Variants in PHEX observed in about 807,000 individuals in gnomAD.
The protein encoded by PHEX is phosphate-regulating neutral endopeptidase PHEX.
PHEX carries 16 observed loss-of-function variants against 68.0 expected under a neutral mutation model. The ratio of observed to expected loss-of-function variants is 0.24; its 90% CI spans 0.16 to 0.36. PHEX has a LOEUF of 0.36. PHEX is among the 10% of genes least tolerant of loss of function. PHEX has a pLI of 1.00. For synonymous variants in PHEX, 208 were observed against 205.1 expected, an observed-to-expected ratio of 1.01 and a Z score of -0.12; for missense variants, 480 against 575.5, an observed-to-expected ratio of 0.83 and a Z score of 1.70.
rs1344992750 is a variant in PHEX at position 22,209,960 on chromosome X, T to TA, written c.1646-2941dup. On this transcript the variant is annotated intron_variant, in intron 15 of 21. Coordinates refer to ENST00000379374, the MANE Select transcript of PHEX (RefSeq NM_000444.6). The stretch of plus-strand genomic sequence containing the variant: ...AATGGTAAAAAAAAAAAAAAATAAA[T>TA]AAATAAAAATAAAAAGGAAATAAAA... Among the ~76,000 whole-genome samples, 32 of 106,683 alleles carry TA rather than the reference T, an allele frequency of 3.0e-4. 1 individual carries two copies. In the South Asian group the frequency reaches 0.01, roughly 34 times the overall value. The allele number at this position is 106,683 out of a possible 115,157, so 92.6% of individuals were successfully genotyped here. A position where few individuals can be genotyped will look rare whatever the true frequency, so the allele number is the denominator to read the frequency against.
intron 3 of PHEX, among the ~76,000 whole-genome samples, chrX:22,072,365 C>G (rs1346698254): frequency 9.0e-6 from 1 of 111,313 alleles, no homozygotes; most frequent in Non-Finnish European, 1.9e-5. Flanking sequence ...GAGCCGAGAT[C>G]AAGCCACTGC....
chrX:22,220,184 C>A (rs1935226215), intron 17 of PHEX, among the ~76,000 whole-genome samples: 1 of 111,409 alleles, frequency 9.0e-6, no homozygotes, highest in Non-Finnish European at 1.9e-5. Context: ...GATTTACAGG[C>A]AGTCTCAGGA....
chrX:22,076,604 G>T, intron 4 of PHEX, 130 bp downstream of exon 4: 1 of 519,458 alleles, frequency 1.9e-6, no homozygotes, highest in Non-Finnish European at 3.4e-6. Context: ...AGGTGTTAAA[G>T]GAATGATTGT....
intron 7 of PHEX, among the ~76,000 whole-genome samples, chrX:22,095,438 G>T (rs1049298971): frequency 8.9e-6 from 1 of 112,339 alleles, no homozygotes; most frequent in African/African-American, 3.2e-5. Flanking sequence ...GGCAAGACTG[G>T]GAATTGTCAA....
intron 12 of PHEX, among the ~76,000 whole-genome samples, chrX:22,155,134 A>C (rs1288458570): frequency 8.9e-6 from 1 of 112,298 alleles, no homozygotes; most frequent in Non-Finnish European, 1.9e-5. Flanking sequence ...CTAGTTTCAA[A>C]CTTCTGACCG....
chrX:22,169,885 T>C (rs1448589604), intron 13 of PHEX: 1 of 112,548 alleles, frequency 8.9e-6, no homozygotes, highest in Non-Finnish European at 1.9e-5. Context: ...GTCTTAGTAT[T>C]GTTGGGAAGA....
intron 12 of PHEX, among the ~76,000 whole-genome samples, chrX:22,167,766 A>G (rs1933383739): frequency 9.0e-6 from 1 of 111,228 alleles, no homozygotes; most frequent in South Asian, 3.8e-4. Flanking sequence ...AAGCTCTGGG[A>G]TTACAGGCAT....
chrX:22,143,184 T>C (rs1932539360), intron 12 of PHEX, among the ~76,000 whole-genome samples: 1 of 112,367 alleles, frequency 8.9e-6, no homozygotes, highest in Non-Finnish European at 1.9e-5. Flanking sequence ...TGAACAATTC[T>C]CAATTAGATA....
chrX:22,148,769 T>G (rs190863289), intron 12 of PHEX, among the ~76,000 whole-genome samples: 6 of 112,196 alleles, frequency 5.3e-5, no homozygotes, highest in Admixed American at 1.9e-4. Context: ...CTTAGCATTT[T>G]TTTTCTATTT....
intron 12 of PHEX, among the ~76,000 whole-genome samples, chrX:22,136,917 A>T (rs764182951): frequency 1.8e-5 from 2 of 112,125 alleles, no homozygotes; most frequent in Non-Finnish European, 3.8e-5. Flanking sequence ...TGTAGGTTTC[A>T]AGTGGAAATT....
chrX:22,204,083 G>C, intron 15 of PHEX, among the ~76,000 whole-genome samples: 1 of 111,119 alleles, frequency 9.0e-6, no homozygotes, highest in Non-Finnish European at 1.9e-5. Flanking sequence ...GTGCATTTGG[G>C]GTTGAGAATA....
intron 11 of PHEX, among the ~76,000 whole-genome samples, chrX:22,115,145 T>C (rs1243968853): frequency 6.3e-5 from 7 of 111,132 alleles, no homozygotes; most frequent in African/African-American, 2.0e-4. Context: ...CTGGCCAACA[T>C]GGTAAAACCC....
chrX:22,219,635 A>T (rs1303728810), intron 17 of PHEX, among the ~76,000 whole-genome samples: 1 of 111,588 alleles, frequency 9.0e-6, no homozygotes, highest in Non-Finnish European at 1.9e-5. Context: ...TATTATCATT[A>T]TTGAGACGGA....
intron 14 of PHEX, among the ~76,000 whole-genome samples, chrX:22,185,128 T>C (rs1933988396): frequency 1.8e-5 from 2 of 112,093 alleles, no homozygotes; most frequent in Admixed American, 1.9e-4. Flanking sequence ...TCCAGTATAA[T>C]TTCATCCCCA....
At chrX:22,173,024 A>AGT (rs201759120) in intron 13 of PHEX, 33,301 of 104,977 alleles carry the variant, frequency 0.32, 4,621 homozygotes, top group African/African-American at 0.49. Flanking sequence ...GTGTGTGTGT[A>AGT]GTGTGTGTGT....
At chrX:22,241,513 A>AATTG (rs1936193758) in intron 20 of PHEX, among the ~76,000 whole-genome samples, 1 of 108,293 alleles carries the variant, frequency 9.2e-6, no homozygotes, top group Admixed American at 9.7e-5. Context: ...AGATCAACAA[A>AATTG]ATAGACCACT....
At chrX:22,071,096 TA>T (rs1414882636) in intron 3 of PHEX, among the ~76,000 whole-genome samples, 1 of 111,806 alleles carries the variant, frequency 8.9e-6, no homozygotes, top group African/African-American at 3.2e-5. Context: ...GAGCACTCAA[TA>T]AATGTCCTGT....
chrX:22,216,498 TATTTA>T (rs1935094665), intron 16 of PHEX, among the ~76,000 whole-genome samples: 1 of 83,308 alleles, frequency 1.2e-5, no homozygotes, highest in African/African-American at 4.1e-5. Context: ...TATGCTTATT[TATTTA>T]TTTATTTATT....
At chrX:22,203,754 A>G (rs1602386211) in intron 15 of PHEX, among the ~76,000 whole-genome samples, 1 of 111,880 alleles carries the variant, frequency 8.9e-6, no homozygotes, top group African/African-American at 3.2e-5. Context: ...ACTACAGTCA[A>G]TAATGTATAA....
Sources: allele counts gnomAD v4.1 joint callset (sites outside exome capture counted in the v4.1 genomes callset), GRCh38; gene constraint gnomAD v4.1.1; transcripts MANE v1.5; gene names NCBI Gene and HGNC (gene_info 2026-07-23, HGNC 2026-07-21).